The following JTB variants were observed in gnomAD, a reference collection of about 807,000 sequenced individuals.
JTB encodes the protein protein JTB.
A neutral mutation model predicts 22.1 loss-of-function variants in JTB; 10 were observed. The observed-to-expected ratio is 0.45, with a 90% CI of 0.28 to 0.77. JTB has a LOEUF of 0.77. Ranked by LOEUF, JTB falls within the 30% of genes least tolerant of loss-of-function variation. JTB has a pLI of 0.13. For missense variants in JTB, 137 were observed against 180.3 expected, an observed-to-expected ratio of 0.76 and a Z score of 1.38; for synonymous variants, 83 against 66.8, an observed-to-expected ratio of 1.24 and a Z score of -1.18.
chr1:153,977,129 C>T, intron 1 of JTB, 41 bp downstream of exon 1: 1 of 1,613,940 alleles, frequency 6.2e-7, no homozygotes, highest in East Asian at 2.2e-5. Context: ...CGATCCTGTC[C>T]TCCAGTGACC....
At position 153,977,208 on chromosome 1, in the gene JTB, G is replaced by A. The variant is rs377187566; in HGVS notation, c.45C>T (p.His15=). The change falls in exon 1 of 5, where the codon CAC becomes CAT. Residue 15 remains histidine, a synonymous_variant. Coordinates refer to ENST00000271843, the MANE Select transcript of JTB (RefSeq NM_006694.4). ...AGRPGLPQGR[H]LCWLLCAFTL... ...TGAAAGCACAGAGCAACCAGCAGAG[G>A]TGGCGGCCCTGGGGGAGGCCAGGCC... is the stretch of plus-strand genomic sequence containing the variant. The A allele has an allele frequency of 5.0e-6, 8 of 1,614,080 alleles. No individual in the cohort carries two copies. The highest frequency in any genetic ancestry group is 5.9e-6 in the Non-Finnish European group (7 of 1,180,044).
In JTB at chr1:153,977,611, G is replaced by A. The variant is rs575872459; in HGVS notation, c.-359C>T. 1.7e-4 allele frequency: 173 copies of A among 1,025,268 alleles called. No homozygotes were observed. In the African/African-American group the frequency reaches 2.7e-3, roughly 16 times the overall value. The allele number at this position is 1,025,268 out of a possible 1,614,324, so 63.5% of individuals were successfully genotyped here. Reference sequence around the variant, plus strand: ...ATCCTCGGGCGCGGGACCGAGCTCGGGGCCCGGTGTTCCCGGGGGCGTTCG... The same window carrying A: ...ATCCTCGGGCGCGGGACCGAGCTCGAGGCCCGGTGTTCCCGGGGGCGTTCG... On this transcript the variant is annotated 5_prime_UTR_variant, in exon 1 of 5. Coordinates refer to ENST00000271843, the MANE Select transcript of JTB (RefSeq NM_006694.4).
At chr1:153,976,939 A>C in intron 2 of JTB, 37 bp downstream of exon 2, 1 of 1,613,992 alleles carries the variant, frequency 6.2e-7, no homozygotes, top group Non-Finnish European at 8.5e-7. Context: ...CCAAAAACAA[A>C]CGACGGGACG....
intron 4 of JTB, among the ~76,000 whole-genome samples, chr1:153,975,588 T>C (rs770094834): frequency 1.2e-4 from 18 of 151,926 alleles, no homozygotes; most frequent in Non-Finnish European, 2.1e-4. Context: ...ACCAGCTAAT[T>C]TTTGTATTTT....
chr1:153,976,546 G>A (rs977557260), intron 3 of JTB, 147 bp downstream of exon 3: 3 of 677,446 alleles, frequency 4.4e-6, no homozygotes, highest in Non-Finnish European at 5.1e-6. Flanking sequence ...GGAAAGACAA[G>A]TACAGATTTG....
Position 153,976,964 on chromosome 1 carries a change from A to G in JTB, c.121+12T>C. ...ACGACGGGACGTGTCGGGTTCCCAG[A>G]CAATCACCCACCTGACAGCTTCTCT... On this transcript the variant is annotated intron_variant, in intron 2 of 4. Transcript: ENST00000271843. 1 of 1,614,116 alleles carries G rather than the reference A, an allele frequency of 6.2e-7. No homozygotes were observed. The highest frequency in any genetic ancestry group is 8.5e-7 in the Non-Finnish European group (1 of 1,180,006).
In JTB at chr1:153,977,299, A is replaced by G. The variant is rs1557889632; in HGVS notation, c.-47T>C. 2.5e-6 allele frequency: 4 copies of G among 1,600,598 alleles called. No individual in the cohort carries two copies. The South Asian group carries it at 4.4e-5, about 18-fold the overall frequency. On this transcript the variant is annotated 5_prime_UTR_variant, in exon 1 of 5. Transcript: ENST00000271843. ...GTCGGAACAGAGGGACCTACTCCAC[A>G]GGCCTCGTGCCTCCGTCGGAGCGCA...
rs1648779025 is a variant in JTB, at chr1:153,975,888, A to G, written c.222T>C (p.Cys74=). 1.2e-6 allele frequency: 2 copies of G among 1,613,896 alleles called. No homozygotes were observed. Among genetic ancestry groups the G allele is most frequent in the Non-Finnish European group, 8.5e-7 (1 of 1,179,744 alleles). Residue 74 remains cysteine (C), a synonymous_variant, in exon 4 of 5, where the codon TGT becomes TGC. Coordinates refer to ENST00000271843, the MANE Select transcript of JTB (RefSeq NM_006694.4). ...SNFRAKTTPE[C]GPTGYVEKIT... Reference sequence around the variant, plus strand: ...TTTTCTCTACATATCCTGTGGGACCACACTCAGGGGTAGTTTTCTGCCAGG... The same window carrying G: ...TTTTCTCTACATATCCTGTGGGACCGCACTCAGGGGTAGTTTTCTGCCAGG...
rs1648719727 is a variant in JTB, at chr1:153,974,730, T to C, written c.390A>G (p.Gln130=). The change falls in exon 5 of 5, where the codon CAA becomes CAG. Residue 130 remains glutamine, a synonymous_variant. Transcript: ENST00000271843. ...CCTTTTCCAGAGCCTTTCTGTCCAA[T>C]TGTCGCTGACGAATGATGACAAGAC... is the stretch of plus-strand genomic sequence containing the variant. ...FACLVIIRQR[Q]LDRKALEKVR... 1 of 1,613,982 alleles carries C rather than the reference T, an allele frequency of 6.2e-7. No homozygotes were observed. The highest frequency in any genetic ancestry group is 8.5e-7 in the Non-Finnish European group (1 of 1,179,850).
In JTB at chr1:153,977,230, G is replaced by A. The variant is rs974060931; in HGVS notation, c.23C>T (p.Pro8Leu). The change falls in exon 1 of 5, where the codon CCT becomes CTT. Residue 8 changes from proline (P) to leucine (L), a missense_variant. Transcript: ENST00000271843. ...GAGGTGGCGGCCCTGGGGGAGGCCA[G>A]GCCTCCCGGCACCCGCAAGCATGGA... MLAGAGRPGLPQGRHLCW... is the reference protein window; with the variant it reads MLAGAGRLGLPQGRHLCW... 2 of 1,614,028 alleles carry A rather than the reference G, an allele frequency of 1.2e-6. No individual in the cohort carries two copies. The highest frequency in any genetic ancestry group is 1.7e-6 in the Non-Finnish European group (2 of 1,180,046).
intron 4 of JTB, among the ~76,000 whole-genome samples, 187 bp downstream of exon 4, chr1:153,975,639 C>G (rs919610905): frequency 4.6e-5 from 7 of 152,018 alleles, no homozygotes; most frequent in Non-Finnish European, 8.8e-5. Flanking sequence ...AGGCTGATCT[C>G]GAACTCCTGA....
chr1:153,976,058 G>C (rs535160650), intron 3 of JTB, among the ~76,000 whole-genome samples, 153 bp from the exon 4 acceptor site: 7 of 152,348 alleles, frequency 4.6e-5, no homozygotes, highest in African/African-American at 1.7e-4. Context: ...GGATGGTGGA[G>C]GTGGTGGTTG....
intron 2 of JTB, 85 bp from the exon 3 acceptor site, chr1:153,976,860 C>T: frequency 3.1e-6 from 5 of 1,594,356 alleles, no homozygotes; most frequent in East Asian, 4.5e-5. Flanking sequence ...CGGCACAGCG[C>T]TTGCCCTCAT....
rs545730909 is a variant in JTB, at chr1:153,975,601, G to C, written c.284+225C>G. ...ACACCAGCTAATTTTTGTATTTTTA[G>C]TAGAGATGGGGTTTCACCACGTTGG... On this transcript the variant is annotated intron_variant, in intron 4 of 4. Coordinates refer to ENST00000271843, the MANE Select transcript of JTB (RefSeq NM_006694.4). Among the ~76,000 whole-genome samples, 7 of 151,360 alleles carry C rather than the reference G, an allele frequency of 4.6e-5. No homozygotes were observed. The South Asian group carries it at 1.5e-3, about 32-fold the overall frequency.
chr1:153,975,895 G>A lies in JTB; in HGVS notation c.215C>T (p.Pro72Leu), dbSNP rs958751102. 1 of 1,613,918 alleles carries A rather than the reference G, an allele frequency of 6.2e-7. No individual in the cohort carries two copies. Among genetic ancestry groups the A allele is most frequent in the South Asian group, 1.1e-5 (1 of 91,058 alleles). Residue 72 changes from proline to leucine, a missense_variant, in exon 4 of 5, where the codon CCT becomes CTT. Transcript: ENST00000271843. The part of the protein sequence containing the change: ...PCSNFRAKTT[P>L]ECGPTGYVEK... ...TACATATCCTGTGGGACCACACTCA[G>A]GGGTAGTTTTCTGCCAGGAGAAAAG...
Position 153,977,483 on chromosome 1 carries a change from G to C in JTB, c.-231C>G. Reference sequence around the variant, plus strand: ...GGCTAGGGAGGCGAGCGCCTTCTGCGGGGTCCGCAGGGCGCTGGAGGAAGG... The same window carrying C: ...GGCTAGGGAGGCGAGCGCCTTCTGCCGGGTCCGCAGGGCGCTGGAGGAAGG... On this transcript the variant is annotated 5_prime_UTR_variant, in exon 1 of 5. Coordinates refer to ENST00000271843, the MANE Select transcript of JTB (RefSeq NM_006694.4). 3.2e-6 allele frequency: 4 copies of C among 1,263,352 alleles called. No individual in the cohort carries two copies. The highest frequency in any genetic ancestry group is 3.6e-5 in the East Asian group (1 of 27,664). The allele number at this position is 1,263,352 out of a possible 1,614,324, so 78.3% of individuals were successfully genotyped here.
At chr1:153,974,865 A>C in intron 4 of JTB, 30 bp from the exon 5 acceptor site, 1 of 1,585,934 alleles carries the variant, frequency 6.3e-7, no homozygotes, top group Non-Finnish European at 8.6e-7. Context: ...GTTATTCCCA[A>C]GGAAGGCCAG....
chr1:153,976,779 A>G lies in JTB; in HGVS notation c.122-4T>C, dbSNP rs1391125428. On this transcript the variant is annotated splice_polypyrimidine_tract_variant and splice_region_variant and intron_variant, in intron 2 of 4. Transcript: ENST00000271843. ...CATGGCAAATTTGAGGTGCTTGCTGAAAGGAAAGATAAATGCCAGCCCCAG... is the reference window on the plus strand; with the variant it reads ...CATGGCAAATTTGAGGTGCTTGCTGGAAGGAAAGATAAATGCCAGCCCCAG... 2.5e-6 allele frequency: 4 copies of G among 1,613,970 alleles called. No homozygotes were observed. In the African/African-American group the frequency reaches 5.3e-5, roughly 22 times the overall value.
At position 153,975,763 on chromosome 1, in the gene JTB, G is replaced by A. The variant is rs533702289; in HGVS notation, c.284+63C>T. ...ACCCCCAGACCAGGGGAAAAGGTGG[G>A]ACCATCCATCTAAAGTCATAGGAGC... On this transcript the variant is annotated intron_variant, in intron 4 of 4. Coordinates refer to ENST00000271843, the MANE Select transcript of JTB (RefSeq NM_006694.4). The A allele has an allele frequency of 1.5e-5, 20 of 1,307,118 alleles. 1 individual carries two copies. In the South Asian group the frequency reaches 1.7e-4, roughly 11 times the overall value. 81.0% of individuals were successfully genotyped at this position (1,307,118 alleles called of 1,614,324 possible).
Sources: allele counts gnomAD v4.1 joint callset (sites outside exome capture counted in the v4.1 genomes callset), GRCh38; gene constraint gnomAD v4.1.1; transcripts MANE v1.5; gene names NCBI Gene and HGNC (gene_info 2026-07-23, HGNC 2026-07-21).